Variants in NRXN3 observed in about 807,000 individuals in gnomAD.
NRXN3 encodes the protein neurexin III.
A neutral mutation model predicts 137.6 loss-of-function variants in NRXN3; 32 were observed. That is an observed-to-expected ratio of 0.23 (90% CI 0.18 to 0.31). NRXN3 has a LOEUF of 0.31. Among genes scored for constraint, NRXN3 ranks in the 10% least tolerant of loss-of-function variants. The pLI is 1.00. For missense variants in NRXN3, 1,574 were observed against 2,062.5 expected, an observed-to-expected ratio of 0.76 and a Z score of 4.59; for synonymous variants, 798 against 784.5, an observed-to-expected ratio of 1.02 and a Z score of -0.29.
intron 4 of NRXN3, among the ~76,000 whole-genome samples, chr14:78,597,491 C>G (rs888226698): frequency 6.6e-5 from 10 of 152,144 alleles, no homozygotes; most frequent in African/African-American, 2.2e-4. Flanking sequence ...ACAAAGGACC[C>G]AATAGAAGCT....
chr14:78,560,802 A>G (rs923579224), intron 4 of NRXN3, among the ~76,000 whole-genome samples: 2 of 152,202 alleles, frequency 1.3e-5, no homozygotes, highest in Non-Finnish European at 2.9e-5. Flanking sequence ...TTTTGGCTTT[A>G]AAGGATAATC....
At chr14:78,291,791 A>C (rs994102896) in intron 3 of NRXN3, among the ~76,000 whole-genome samples, 11 of 152,190 alleles carry the variant, frequency 7.2e-5, no homozygotes, top group Admixed American at 3.3e-4. Context: ...TAATTTCTCT[A>C]CTTCGCTATG....
At chr14:79,165,754 A>G (rs549038925) in intron 15 of NRXN3, among the ~76,000 whole-genome samples, 2 of 152,076 alleles carry the variant, frequency 1.3e-5, no homozygotes, top group African/African-American at 4.8e-5. Flanking sequence ...GTCAGGTTTC[A>G]TATTGTCTGA....
chr14:78,869,310 T>G (rs1596699755), intron 10 of NRXN3, among the ~76,000 whole-genome samples: 1 of 152,182 alleles, frequency 6.6e-6, no homozygotes, highest in East Asian at 1.9e-4. Context: ...GCTCTTACTA[T>G]CTTTACTTAT....
In NRXN3 at chr14:78,709,690, C is replaced by T. The variant is rs200404846; in HGVS notation, c.1660+35C>T. On this transcript the variant is annotated intron_variant, in intron 7 of 20. Transcript: ENST00000335750. The stretch of plus-strand genomic sequence containing the variant: ...GGCAGGATGTGTGACTGAGACTAGA[C>T]GAAAGCTGTAGCTTCTCAGTTTGTT... 84 of 1,560,328 alleles carry T rather than the reference C, an allele frequency of 5.4e-5. No homozygotes were observed. The East Asian group carries it at 8.6e-4, about 16-fold the overall frequency.
At chr14:78,680,788 C>G (rs1287202899) in intron 6 of NRXN3, among the ~76,000 whole-genome samples, 1 of 152,096 alleles carries the variant, frequency 6.6e-6, no homozygotes, top group Non-Finnish European at 1.5e-5. Flanking sequence ...CTGAGGACCT[C>G]AATACTCTGG....
intron 4 of NRXN3, among the ~76,000 whole-genome samples, chr14:78,400,539 C>T (rs1041928682): frequency 3.9e-5 from 6 of 152,182 alleles, no homozygotes; most frequent in African/African-American, 1.4e-4. Flanking sequence ...AATACATGGG[C>T]CTGAGAATCC....
intron 16 of NRXN3, among the ~76,000 whole-genome samples, chr14:79,604,423 C>T (rs529727726): frequency 4.0e-5 from 6 of 151,582 alleles, no homozygotes; most frequent in Admixed American, 6.6e-5. Flanking sequence ...TTAGTAGGGA[C>T]GAGGTTTCAC....
In NRXN3 at chr14:79,295,968, C is replaced by G. The variant is rs971875567; in HGVS notation, c.3263-171253C>G. 2.6e-5 allele frequency among the ~76,000 whole-genome samples: 4 copies of G among 152,090 alleles called. No individual in the cohort carries two copies. In the East Asian group the frequency reaches 5.8e-4, roughly 22 times the overall value. On this transcript the variant is annotated intron_variant, in intron 15 of 20. Transcript: ENST00000335750. Reference sequence around the variant, plus strand: ...CTTCTACTGTTTTCCAGGCACTGTCCAGGGTGTCAGACTCTTAAACATACA... The same window carrying G: ...CTTCTACTGTTTTCCAGGCACTGTCGAGGGTGTCAGACTCTTAAACATACA...
intron 20 of NRXN3, among the ~76,000 whole-genome samples, chr14:79,849,131 T>C (rs1439541709): frequency 2.0e-5 from 3 of 152,222 alleles, no homozygotes; most frequent in Admixed American, 2.0e-4. Context: ...CAGCTACCCA[T>C]GCTGTAGTGT....
At chr14:78,905,030 G>A (rs2099211010) in intron 10 of NRXN3, among the ~76,000 whole-genome samples, 1 of 151,988 alleles carries the variant, frequency 6.6e-6, no homozygotes, top group African/African-American at 2.4e-5. Flanking sequence ...CTTTGGCCAT[G>A]TATCCTTTTG....
intron 15 of NRXN3, chr14:79,072,004 A>C (rs1432996550): frequency 7.0e-6 from 1 of 143,538 alleles, no homozygotes; most frequent in Non-Finnish European, 1.5e-5. Context: ...AGGCAGATAG[A>C]TAATAAAGTA....
Position 79,823,475 on chromosome 14 carries a change from C to CTAT in NRXN3, c.4093+18286_4093+18287insATT. The stretch of plus-strand genomic sequence containing the variant: ...CCTATAGTTCCAGCTACTTGGGATG[C>CTAT]TGAGGTGGGAGGATTGCTTGAGCCT... On this transcript the variant is annotated intron_variant, in intron 20 of 20. Transcript: ENST00000335750. Among the ~76,000 whole-genome samples the CTAT allele has an allele frequency of 2.0e-5, 3 of 152,172 alleles. No homozygotes were observed. The East Asian group carries it at 5.8e-4, about 30-fold the overall frequency.
intron 4 of NRXN3, among the ~76,000 whole-genome samples, chr14:78,568,620 T>A (rs2096858584): frequency 6.6e-6 from 1 of 152,250 alleles, no homozygotes; most frequent in African/African-American, 2.4e-5. Context: ...ACACCGATTA[T>A]CTTGTTTGAC....
At chr14:78,862,568 G>A (rs572722536) in intron 10 of NRXN3, among the ~76,000 whole-genome samples, 21 of 152,006 alleles carry the variant, frequency 1.4e-4, no homozygotes, top group Non-Finnish European at 2.2e-4. Context: ...TCTCTAATTC[G>A]TATTTATATA....
chr14:79,274,301 A>G (rs560698206), intron 15 of NRXN3, among the ~76,000 whole-genome samples: 1 of 152,214 alleles, frequency 6.6e-6, no homozygotes, highest in African/African-American at 2.4e-5. Context: ...CCCCATACCT[A>G]TTGCAATGAT....
intron 1 of NRXN3, among the ~76,000 whole-genome samples, chr14:78,219,926 A>C (rs1234236730): frequency 6.6e-6 from 1 of 152,050 alleles, no homozygotes; most frequent in Non-Finnish European, 1.5e-5. Context: ...GTGGATGGGG[A>C]TGGAGGGTAG....
At chr14:78,475,726 A>G (rs2095366786) in intron 4 of NRXN3, among the ~76,000 whole-genome samples, 1 of 152,218 alleles carries the variant, frequency 6.6e-6, no homozygotes, top group African/African-American at 2.4e-5. Flanking sequence ...GGTGGCAGAC[A>G]CAGAGCCAAC....
chr14:78,660,893 G>C (rs1228471884), intron 6 of NRXN3, among the ~76,000 whole-genome samples: 4 of 152,084 alleles, frequency 2.6e-5, no homozygotes, highest in Non-Finnish European at 5.9e-5. Flanking sequence ...CCTTGGACAG[G>C]GAAAGACAGA....
Sources: gnomAD v4.1 joint callset for allele counts (sites outside exome capture counted in the v4.1 genomes callset) on GRCh38, gnomAD v4.1.1 for gene constraint, MANE v1.5 for transcripts, NCBI Gene and HGNC (gene_info 2026-07-23, HGNC 2026-07-21) for gene names.